The following MTBP variants were observed in gnomAD, a reference collection of about 807,000 sequenced individuals.
MTBP encodes MDM2 binding protein.
MTBP carries 101 observed loss-of-function variants against 117.0 expected under a neutral mutation model. The ratio of observed to expected loss-of-function variants is 0.86; its 90% CI spans 0.73 to 1.02. MTBP has a LOEUF of 1.02. Among genes scored for constraint, MTBP ranks in the 50% least tolerant of loss-of-function variants. The pLI, the probability that MTBP is intolerant of heterozygous loss-of-function variation, is 0.00. For missense variants in MTBP, 970 were observed against 1,030.9 expected (o/e 0.94, Z 0.81); for synonymous variants, 350 against 351.5 (o/e 1.00, Z 0.05).
At chr8:120,446,561 A>G (rs1378725057) in intron 2 of MTBP, 48 bp downstream of exon 2, 1 of 1,122,712 alleles carries the variant, frequency 8.9e-7, no homozygotes, top group Non-Finnish European at 1.4e-6. Context: ...TTTGTACTGG[A>G]AATTAACTTA....
chr8:120,457,518 G>A (rs1813494134), intron 7 of MTBP, among the ~76,000 whole-genome samples: 1 of 152,118 alleles, frequency 6.6e-6, no homozygotes, highest in Admixed American at 6.5e-5. Flanking sequence ...TTAGACAACA[G>A]GAATCAATGT....
chr8:120,496,955 G>A lies in MTBP; in HGVS notation c.1448-438G>A, dbSNP rs1454734648. ...TGTCTTCCAAAATTTGTTGAAAAAT[G>A]TCATTATTTATCATTCCTTCTTTTG... On this transcript the variant is annotated intron_variant, in intron 13 of 21. Coordinates refer to ENST00000305949, the MANE Select transcript of MTBP (RefSeq NM_022045.5). Among the ~76,000 whole-genome samples the A allele has an allele frequency of 3.3e-5, 5 of 152,146 alleles. No individual in the cohort carries two copies. In the East Asian group the frequency reaches 9.6e-4, roughly 29 times the overall value.
At chr8:120,502,748 T>C (rs1276110113) in intron 15 of MTBP, 139 bp downstream of exon 15, 1 of 562,948 alleles carries the variant, frequency 1.8e-6, no homozygotes, top group Non-Finnish European at 3.1e-6. Context: ...TGTGAATAGA[T>C]AGTTAATCAC....
At chr8:120,493,677 G>C (rs150085053) in intron 13 of MTBP, among the ~76,000 whole-genome samples, 65 of 152,180 alleles carry the variant, frequency 4.3e-4, no homozygotes, top group African/African-American at 1.6e-3. Flanking sequence ...TTTTAGTAGA[G>C]ATGAAGTTTC....
intron 10 of MTBP, among the ~76,000 whole-genome samples, chr8:120,468,499 G>A (rs890516694): frequency 3.9e-5 from 6 of 152,188 alleles, no homozygotes; most frequent in African/African-American, 1.4e-4. Flanking sequence ...GCCTGTGGAA[G>A]CATTTTCCCT....
At chr8:120,515,179 T>C (rs11786027) in intron 17 of MTBP, among the ~76,000 whole-genome samples, 31,536 of 151,918 alleles carry the variant, frequency 0.21, 3,442 homozygotes, top group Middle Eastern at 0.27. Flanking sequence ...CCATCACATA[T>C]GTGAAGCCAT....
chr8:120,471,081 G>A (rs1813807042), intron 11 of MTBP, 144 bp downstream of exon 11: 2 of 580,744 alleles, frequency 3.4e-6, no homozygotes, highest in Non-Finnish European at 3.0e-6. Context: ...ATCATTTTAA[G>A]ATTTTTAATT....
At chr8:120,508,395 A>G (rs1311084936) in intron 16 of MTBP, among the ~76,000 whole-genome samples, 1 of 152,196 alleles carries the variant, frequency 6.6e-6, no homozygotes, top group Non-Finnish European at 1.5e-5. Context: ...ATGAGAGACA[A>G]TATGGTAAAG....
At position 120,447,588 on chromosome 8, in the gene MTBP, G is replaced by T. The variant is rs570444285; in HGVS notation, c.199+1075G>T. On this transcript the variant is annotated intron_variant, in intron 2 of 21. Coordinates refer to ENST00000305949, the MANE Select transcript of MTBP (RefSeq NM_022045.5). The stretch of plus-strand genomic sequence containing the variant: ...ATAGTGTTGTTCTTTATAATTGATT[G>T]TGCAAAGCAATCCTAATATAATCAA... Among the ~76,000 whole-genome samples the T allele has an allele frequency of 3.3e-5, 5 of 152,006 alleles. No individual in the cohort carries two copies. In the East Asian group the frequency reaches 9.7e-4, roughly 29 times the overall value.
intron 11 of MTBP, among the ~76,000 whole-genome samples, chr8:120,479,074 A>C (rs778416541): frequency 6.6e-6 from 1 of 152,176 alleles, no homozygotes. Flanking sequence ...TCAATATCAC[A>C]TTTTCTCACA....
At chr8:120,518,661 C>A in intron 19 of MTBP, 43 bp from the exon 20 acceptor site, 2 of 1,333,948 alleles carry the variant, frequency 1.5e-6, no homozygotes, top group Non-Finnish European at 2.1e-6. Flanking sequence ...TAGGTTTGTG[C>A]CTTTTCCAAG....
At position 120,516,062 on chromosome 8, in the gene MTBP, C is replaced by A; in HGVS notation, c.2117C>A (p.Pro706Gln). The A allele has an allele frequency of 6.2e-7, 1 of 1,613,072 alleles. No individual in the cohort carries two copies. The highest frequency in any genetic ancestry group is 1.1e-5 in the South Asian group (1 of 91,058). The stretch of plus-strand genomic sequence containing the variant: ...GTACCTACTGTGTTGAGCCCTCTTC[C>A]ATCTCCTGTAGTTTCGTCAGATCCT... Reference protein sequence around the residue: ...FPVPTVLSPLPSPVVSSDPGS... With the variant: ...FPVPTVLSPLQSPVVSSDPGS... Residue 706 changes from proline to glutamine, a missense_variant, in exon 18 of 22, where the codon CCA (proline) becomes CAA (glutamine). Physicochemically the swap from Pro to Gln is moderately conservative, Grantham distance 76. Transcript: ENST00000305949.
In MTBP at chr8:120,511,359, A is replaced by G. The variant is rs550332315; in HGVS notation, c.1979+1330A>G. Among the ~76,000 whole-genome samples the G allele has an allele frequency of 4.9e-4, 75 of 152,318 alleles. 1 individual carries two copies. The highest frequency in any genetic ancestry group is 1.7e-3 in the African/African-American group (70 of 41,570). Reference sequence around the variant, plus strand: ...TCACCCAGGCTGAGTGCAGTGGCACAATCTTGGCTCACTGCAACCTCCGTT... The same window carrying G: ...TCACCCAGGCTGAGTGCAGTGGCACGATCTTGGCTCACTGCAACCTCCGTT... On this transcript the variant is annotated intron_variant, in intron 17 of 21. Coordinates refer to ENST00000305949, the MANE Select transcript of MTBP (RefSeq NM_022045.5).
At chr8:120,456,454 A>G (rs947058804) in intron 6 of MTBP, 99 bp from the exon 7 acceptor site, 2 of 683,646 alleles carry the variant, frequency 2.9e-6, no homozygotes, top group African/African-American at 3.7e-5. Context: ...AGCAATATAA[A>G]TTTTGCAATT....
At chr8:120,512,360 A>C (rs1814830458) in intron 17 of MTBP, among the ~76,000 whole-genome samples, 2 of 152,142 alleles carry the variant, frequency 1.3e-5, no homozygotes, top group South Asian at 4.1e-4. Context: ...TAAAGTGTCC[A>C]TCATATAATC....
chr8:120,446,639 G>C (rs558180879), intron 2 of MTBP, 126 bp downstream of exon 2: 2 of 619,414 alleles, frequency 3.2e-6, no homozygotes, highest in Non-Finnish European at 5.8e-6. Flanking sequence ...GAGTTACAGA[G>C]ATAACTAAGG....
At chr8:120,469,808 G>A (rs953349916) in intron 10 of MTBP, among the ~76,000 whole-genome samples, 3 of 151,952 alleles carry the variant, frequency 2.0e-5, no homozygotes, top group African/African-American at 4.8e-5. Context: ...AATATCAAAC[G>A]GCAAATTTCA....
At position 120,455,516 on chromosome 8, in the gene MTBP, C is replaced by T. The variant is rs767998681; in HGVS notation, c.566C>T (p.Ala189Val). ...AAAGACTATTTACCTACTGTAGGAG[C>T]ATTAAAACATTTGAGAGAATGGTAT... ...KLKDYLPTVG[A>V]LKHLREWYSA... The change falls in exon 6 of 22, where the codon GCA becomes GTA. Residue 189 changes from alanine (A) to valine (V), a missense_variant. Transcript: ENST00000305949. The T allele has an allele frequency of 6.2e-7, 1 of 1,607,276 alleles. No homozygotes were observed. Among genetic ancestry groups the T allele is most frequent in the East Asian group, 2.2e-5 (1 of 44,644 alleles).
intron 19 of MTBP, 41 bp downstream of exon 19, chr8:120,518,141 A>G: frequency 6.6e-7 from 1 of 1,521,176 alleles, no homozygotes; most frequent in Non-Finnish European, 8.8e-7. Context: ...CTACATAGGA[A>G]GACTTTTTAA....
Sources: allele counts gnomAD v4.1 joint callset (sites outside exome capture counted in the v4.1 genomes callset), GRCh38; gene constraint gnomAD v4.1.1; transcripts MANE v1.5; gene names NCBI Gene and HGNC (gene_info 2026-07-23, HGNC 2026-07-21).